The following DCHS2 variants were observed in gnomAD, a reference collection of about 807,000 sequenced individuals.
DCHS2 encodes the protein dachsous cadherin-related 2.
DCHS2 carries 142 observed loss-of-function variants against 182.4 expected under a neutral mutation model. The ratio of observed to expected loss-of-function variants is 0.78; its 90% CI spans 0.68 to 0.89. The LOEUF (loss-of-function observed/expected upper bound fraction) is 0.89, where lower values mean the gene tolerates loss of function less well. Ranked by LOEUF, DCHS2 falls within the 40% of genes least tolerant of loss-of-function variation. DCHS2 has a pLI of 0.00. For synonymous variants in DCHS2, 1,740 were observed against 1,663.3 expected (o/e 1.05, Z -1.12); for missense variants, 4,319 against 4,198.6 (o/e 1.03, Z -0.79).
chr4:154,258,541 C>G (rs1432310215), intron 15 of DCHS2, among the ~76,000 whole-genome samples: 1 of 151,778 alleles, frequency 6.6e-6, no homozygotes, highest in Non-Finnish European at 1.5e-5. Flanking sequence ...CCACACCAGG[C>G]TAGTTTTATA....
At chr4:154,325,416 C>T (rs13131753) in intron 7 of DCHS2, among the ~76,000 whole-genome samples, 80,425 of 150,804 alleles carry the variant, frequency 0.53, 22,207 homozygotes, top group Admixed American at 0.63. Flanking sequence ...GTCTTCTCCA[C>T]CCCAAAATAA....
chr4:154,486,444 T>C, intron 1 of DCHS2: 1 of 1,304,650 alleles, frequency 7.7e-7, no homozygotes, highest in Non-Finnish European at 1.0e-6. Flanking sequence ...ACAGGAAATC[T>C]AGGCAAGATT....
At chr4:154,336,403 C>T (rs559861139) in intron 3 of DCHS2, among the ~76,000 whole-genome samples, 12 of 152,210 alleles carry the variant, frequency 7.9e-5, no homozygotes, top group Admixed American at 1.3e-4. Context: ...TGTATGCAAA[C>T]TTATTAAATG....
chr4:154,466,328 G>A (rs915109918), intron 1 of DCHS2, among the ~76,000 whole-genome samples: 5 of 152,140 alleles, frequency 3.3e-5, no homozygotes, highest in African/African-American at 4.8e-5. Flanking sequence ...TAGCAAAGGT[G>A]GTAGCCGCAT....
At chr4:154,294,852 T>C (rs1734850592) in intron 13 of DCHS2, among the ~76,000 whole-genome samples, 1 of 152,192 alleles carries the variant, frequency 6.6e-6, no homozygotes, top group Non-Finnish European at 1.5e-5. Flanking sequence ...AAGCTCTGCC[T>C]GAGGAAAGAG....
chr4:154,278,149 A>G (rs1733951083), intron 13 of DCHS2, among the ~76,000 whole-genome samples: 2 of 152,150 alleles, frequency 1.3e-5, no homozygotes, highest in Admixed American at 1.3e-4. Context: ...AAGTGAGAAT[A>G]TCAATAAAGA....
intron 12 of DCHS2, among the ~76,000 whole-genome samples, chr4:154,300,680 CAGCCT>C: frequency 6.6e-6 from 1 of 151,658 alleles, no homozygotes; most frequent in South Asian, 2.1e-4. Context: ...CACCACTGCA[CAGCCT>C]TGGTGACAGA....
intron 1 of DCHS2, among the ~76,000 whole-genome samples, chr4:154,471,417 G>C (rs575416310): frequency 5.3e-5 from 8 of 152,254 alleles, no homozygotes; most frequent in South Asian, 4.2e-4. Flanking sequence ...GGTGTGAAAG[G>C]CTTCCCACTT....
At chr4:154,326,049 T>A (rs981278792) in intron 7 of DCHS2, among the ~76,000 whole-genome samples, 1 of 152,224 alleles carries the variant, frequency 6.6e-6, no homozygotes, top group Non-Finnish European at 1.5e-5. Flanking sequence ...ACTGAAACAA[T>A]GCTTCAATGA....
intron 16 of DCHS2, among the ~76,000 whole-genome samples, chr4:154,248,367 T>C (rs1288365014): frequency 6.6e-6 from 1 of 152,208 alleles, no homozygotes; most frequent in Non-Finnish European, 1.5e-5. Flanking sequence ...AGATAATGTT[T>C]AAAGTTATAA....
At chr4:154,316,551 G>C (rs1252741807) in intron 9 of DCHS2, among the ~76,000 whole-genome samples, 1 of 152,148 alleles carries the variant, frequency 6.6e-6, no homozygotes, top group Non-Finnish European at 1.5e-5. Flanking sequence ...GGGAGGCCAA[G>C]GCAGGAGGAT....
chr4:154,418,524 G>A (rs1732966881), intron 1 of DCHS2, among the ~76,000 whole-genome samples: 1 of 152,108 alleles, frequency 6.6e-6, no homozygotes, highest in Non-Finnish European at 1.5e-5. Flanking sequence ...AATTTGTAAA[G>A]TATTTATTAA....
At chr4:154,399,866 T>C (rs1490441196) in intron 1 of DCHS2, among the ~76,000 whole-genome samples, 3 of 152,098 alleles carry the variant, frequency 2.0e-5, no homozygotes, top group African/African-American at 4.8e-5. Context: ...AGCAAACGAA[T>C]AGAGAGGATA....
intron 3 of DCHS2, among the ~76,000 whole-genome samples, chr4:154,360,195 CA>C (rs1204209262): frequency 6.6e-6 from 1 of 151,982 alleles, no homozygotes; most frequent in Non-Finnish European, 1.5e-5. Context: ...ATGGAAAAGA[CA>C]CTGAAAACTA....
At chr4:154,243,448 C>G (rs1365702443) in intron 16 of DCHS2, among the ~76,000 whole-genome samples, 1 of 152,158 alleles carries the variant, frequency 6.6e-6, no homozygotes, top group Non-Finnish European at 1.5e-5. Context: ...CTGTCTTCAA[C>G]TTCTCCCTTT....
chr4:154,465,795 G>A (rs943024421), intron 1 of DCHS2, among the ~76,000 whole-genome samples: 5 of 152,134 alleles, frequency 3.3e-5, no homozygotes, highest in Non-Finnish European at 7.3e-5. Context: ...GGCTATCTTA[G>A]AGCCTGGATG....
At chr4:154,354,571 A>G (rs1729773785) in intron 3 of DCHS2, among the ~76,000 whole-genome samples, 1 of 152,192 alleles carries the variant, frequency 6.6e-6, no homozygotes, top group Non-Finnish European at 1.5e-5. Flanking sequence ...GATTTTTATA[A>G]CTAGTTTTTC....
At chr4:154,237,208 G>C in intron 19 of DCHS2, 49 bp from the exon 20 acceptor site, 1 of 1,536,990 alleles carries the variant, frequency 6.5e-7, no homozygotes, top group South Asian at 1.3e-5. Flanking sequence ...CAGTTTTGAT[G>C]ATCCATTTAA....
chr4:154,464,844 G>C (rs1236788749), intron 1 of DCHS2, among the ~76,000 whole-genome samples: 2 of 152,132 alleles, frequency 1.3e-5, no homozygotes, highest in African/African-American at 2.4e-5. Flanking sequence ...GATCCCTAAA[G>C]GCTGTTCCTG....
Sources: allele counts gnomAD v4.1 joint callset (sites outside exome capture counted in the v4.1 genomes callset), GRCh38; gene constraint gnomAD v4.1.1; transcripts MANE v1.5; gene names NCBI Gene and HGNC (gene_info 2026-07-23, HGNC 2026-07-21).